Variants in MAP2 observed in about 807,000 individuals in gnomAD.
MAP2 encodes microtubule-associated protein 2.
MAP2 carries 14 observed loss-of-function variants against 137.6 expected under a neutral mutation model. The ratio of observed to expected loss-of-function variants is 0.10; its 90% CI spans 0.07 to 0.16. The LOEUF is 0.16. Ranked by LOEUF, MAP2 falls within the 10% of genes least tolerant of loss-of-function variation. The pLI, the probability that MAP2 is intolerant of heterozygous loss-of-function variation, is 1.00. For missense variants in MAP2, 2,088 were observed against 2,191.5 expected, an observed-to-expected ratio of 0.95 and a Z score of 0.94; for synonymous variants, 786 against 782.3, an observed-to-expected ratio of 1.00 and a Z score of -0.08.
intron 5 of MAP2, among the ~76,000 whole-genome samples, chr2:209,662,250 T>C (rs184657022): frequency 7.4e-4 from 112 of 152,348 alleles, no homozygotes; most frequent in Admixed American, 5.9e-3. Context: ...TGTACTTCTA[T>C]GTGTGTTCCT....
At chr2:209,431,067 C>G (rs1447820051) in intron 1 of MAP2, among the ~76,000 whole-genome samples, 3 of 151,892 alleles carry the variant, frequency 2.0e-5, no homozygotes, top group African/African-American at 7.3e-5. Flanking sequence ...GCTTTTTCTT[C>G]TTTTGTCTTC....
chr2:209,636,563 TTATATA>T (rs112634424), intron 4 of MAP2, among the ~76,000 whole-genome samples: 1 of 148,398 alleles, frequency 6.7e-6, no homozygotes, highest in African/African-American at 2.5e-5. Context: ...TACGTATATA[TTATATA>T]TATATATATA....
At chr2:209,637,506 AAGATAGGATGAGATG>A (rs1449520863) in intron 4 of MAP2, among the ~76,000 whole-genome samples, 1 of 152,010 alleles carries the variant, frequency 6.6e-6, no homozygotes, top group Admixed American at 6.6e-5. Flanking sequence ...AAGATGAGAT[AAGATAGGATGAGATG>A]AGATAAGATA....
intron 1 of MAP2, among the ~76,000 whole-genome samples, chr2:209,446,083 A>G (rs1400087261): frequency 1.3e-5 from 2 of 151,790 alleles, no homozygotes; most frequent in South Asian, 2.1e-4. Flanking sequence ...ATGCCGTAAT[A>G]TGGTCATAAG....
rs193042256 is a variant in MAP2 at position 209,626,416 on chromosome 2, A to T, written c.-30+1287A>T. ...GTGACAGTGCAAGACTCTGTCTCAA[A>T]AAAGTATATATATTACAGCAAATAC... On this transcript the variant is annotated intron_variant, in intron 4 of 15. Coordinates refer to ENST00000682079, the MANE Select transcript of MAP2 (RefSeq NM_001375505.1). Among the ~76,000 whole-genome samples the T allele has an allele frequency of 2.7e-3, 407 of 152,298 alleles. 1 individual carries two copies. Among genetic ancestry groups the T allele is most frequent in the African/African-American group, 8.9e-3 (369 of 41,574 alleles).
intron 1 of MAP2, among the ~76,000 whole-genome samples, chr2:209,505,942 C>T (rs112606452): frequency 1.3e-5 from 2 of 151,468 alleles, no homozygotes; most frequent in East Asian, 1.9e-4. Context: ...CCTGCACTCC[C>T]GACTAGGTGA....
chr2:209,601,948 G>A (rs554364093), intron 3 of MAP2, among the ~76,000 whole-genome samples: 7 of 152,176 alleles, frequency 4.6e-5, no homozygotes, highest in Non-Finnish European at 1.0e-4. Context: ...TTACTTGTGT[G>A]ATATGCATGA....
At chr2:209,430,092 C>G (rs1166249725) in intron 1 of MAP2, among the ~76,000 whole-genome samples, 1 of 150,520 alleles carries the variant, frequency 6.6e-6, no homozygotes, top group Admixed American at 6.7e-5. Context: ...TCACTACGTC[C>G]TTTTGGCCCA....
chr2:209,664,089 A>G (rs897564069), intron 5 of MAP2, among the ~76,000 whole-genome samples: 1 of 152,356 alleles, frequency 6.6e-6, no homozygotes, highest in African/African-American at 2.4e-5. Context: ...GATCATAGCA[A>G]TCATTTTACT....
intron 3 of MAP2, among the ~76,000 whole-genome samples, chr2:209,592,035 T>G (rs2079393500): frequency 6.6e-6 from 1 of 152,180 alleles, no homozygotes; most frequent in South Asian, 2.1e-4. Flanking sequence ...TCTTCCCAAC[T>G]CCTGCTTTTC....
chr2:209,487,162 G>A (rs1451605509), intron 1 of MAP2, among the ~76,000 whole-genome samples: 4 of 152,086 alleles, frequency 2.6e-5, no homozygotes, highest in Non-Finnish European at 5.9e-5. Context: ...AAATTATGTA[G>A]AACTTTAGTT....
chr2:209,546,614 G>A (rs1160834335), intron 2 of MAP2, among the ~76,000 whole-genome samples: 2 of 152,158 alleles, frequency 1.3e-5, no homozygotes, highest in African/African-American at 4.8e-5. Context: ...AAGTAGATGA[G>A]ACAACAGGAG....
chr2:209,684,607 G>T (rs1051558934), intron 7 of MAP2: 1 of 152,134 alleles, frequency 6.6e-6, no homozygotes, highest in Non-Finnish European at 1.5e-5. Flanking sequence ...TTATTTAAAA[G>T]AAAAAGTTTC....
chr2:209,472,058 A>G (rs184201779), intron 1 of MAP2, among the ~76,000 whole-genome samples: 2 of 152,346 alleles, frequency 1.3e-5, no homozygotes, highest in Admixed American at 1.3e-4. Context: ...GCTGACAATT[A>G]CATATCATGT....
intron 3 of MAP2, among the ~76,000 whole-genome samples, chr2:209,601,714 AG>A (rs2083056275): frequency 6.6e-6 from 1 of 152,176 alleles, no homozygotes; most frequent in African/African-American, 2.4e-5. Flanking sequence ...ACTACAAATC[AG>A]TTCTTGGGAG....
At position 209,570,879 on chromosome 2, in the gene MAP2, C is replaced by T. The variant is rs192197598; in HGVS notation, c.-171-9157C>T. ...AAGGATGATACGGGAAGCATCTTAG[C>T]TGTCCATTCTTTTGTCATAATAGCG... On this transcript the variant is annotated intron_variant, in intron 2 of 15. Transcript: ENST00000682079. Among the ~76,000 whole-genome samples, 185 of 152,014 alleles carry T rather than the reference C, an allele frequency of 1.2e-3. 1 individual carries two copies. The highest frequency in any genetic ancestry group is 4.2e-3 in the African/African-American group (176 of 41,556).
intron 1 of MAP2, among the ~76,000 whole-genome samples, chr2:209,504,400 G>T (rs2060782590): frequency 6.6e-6 from 1 of 152,174 alleles, no homozygotes; most frequent in Admixed American, 6.5e-5. Flanking sequence ...GTGTTAAAGA[G>T]CAATTAGCAA....
intron 5 of MAP2, among the ~76,000 whole-genome samples, chr2:209,676,128 A>C (rs1031876504): frequency 4.6e-5 from 7 of 151,850 alleles, no homozygotes; most frequent in Non-Finnish European, 7.4e-5. Flanking sequence ...GCAAAGACAT[A>C]GAATCAACCT....
intron 3 of MAP2, among the ~76,000 whole-genome samples, chr2:209,592,960 T>C (rs1345713210): frequency 1.3e-5 from 2 of 152,112 alleles, no homozygotes; most frequent in African/African-American, 4.8e-5. Context: ...TCACTTTTTC[T>C]CCGTTCTAGG....
Sources: allele counts gnomAD v4.1 joint callset (sites outside exome capture counted in the v4.1 genomes callset), GRCh38; gene constraint gnomAD v4.1.1; transcripts MANE v1.5; gene names NCBI Gene and HGNC (gene_info 2026-07-23, HGNC 2026-07-21).